Variants in TNRC6A observed in about 807,000 individuals in gnomAD.
TNRC6A encodes trinucleotide repeat containing adaptor 6A.
In TNRC6A, 44 loss-of-function variants were observed where a neutral mutation model predicts 221.2. The observed-to-expected ratio is 0.20, with a 90% confidence interval of 0.16 to 0.26. TNRC6A has a LOEUF of 0.26. Among genes scored for constraint, TNRC6A ranks in the 10% least tolerant of loss-of-function variants. The pLI, the probability that TNRC6A is intolerant of heterozygous loss-of-function variation, is 1.00. For synonymous variants in TNRC6A, 847 were observed against 838.5 expected, an observed-to-expected ratio of 1.01 and a Z score of -0.18; for missense variants, 2,199 against 2,404.4, an observed-to-expected ratio of 0.91 and a Z score of 1.79.
In TNRC6A at chr16:24,791,048, G is replaced by C. The variant is rs113829020; in HGVS notation, c.2406G>C (p.Gly802=). The change falls in exon 6 of 25, where the codon GGG becomes GGC. Residue 802 remains glycine, a synonymous_variant. Transcript: ENST00000395799. ...ATTCCAAAGGCTCAAACTGCCAGGG[G>C]GGGTGGGAAGATGATTCTGCTGCTA... ...WGDSKGSNCQ[G]GWEDDSAATG... is the part of the protein sequence containing the mutation. 3.3e-4 allele frequency: 523 copies of C among 1,596,370 alleles called. 1 individual carries two copies. In the African/African-American group the frequency reaches 5.6e-3, roughly 17 times the overall value.
At chr16:24,677,701 T>A (rs2055447471) in intron 2 of TNRC6A, among the ~76,000 whole-genome samples, 1 of 152,188 alleles carries the variant, frequency 6.6e-6, no homozygotes, top group Non-Finnish European at 1.5e-5. Context: ...GTAAACTCCA[T>A]GAGGGTTTGA....
intron 2 of TNRC6A, among the ~76,000 whole-genome samples, chr16:24,747,975 A>G (rs1217476771): frequency 6.6e-6 from 1 of 152,228 alleles, no homozygotes; most frequent in Non-Finnish European, 1.5e-5. Flanking sequence ...TCACAGCAGA[A>G]CATGAAGAAC....
chr16:24,697,843 C>T (rs2055892249), intron 2 of TNRC6A, among the ~76,000 whole-genome samples: 1 of 151,866 alleles, frequency 6.6e-6, no homozygotes, highest in African/African-American at 2.4e-5. Context: ...AGATCGAGAC[C>T]ATCCTGACCA....
intron 1 of TNRC6A, among the ~76,000 whole-genome samples, chr16:24,628,294 C>T (rs947376116): frequency 2.0e-5 from 3 of 151,924 alleles, no homozygotes; most frequent in Non-Finnish European, 2.9e-5. Flanking sequence ...GTGGTGGGCG[C>T]CTGTAATCCC....
intron 3 of TNRC6A, among the ~76,000 whole-genome samples, chr16:24,756,860 A>G (rs2057262821): frequency 6.6e-6 from 1 of 152,104 alleles, no homozygotes; most frequent in South Asian, 2.1e-4. Context: ...TAAATTGTGA[A>G]AGAGACCAGG....
At chr16:24,632,076 C>T (rs1901375648) in intron 1 of TNRC6A, among the ~76,000 whole-genome samples, 1 of 152,044 alleles carries the variant, frequency 6.6e-6, no homozygotes, top group South Asian at 2.1e-4. Flanking sequence ...GTCTCGAACT[C>T]CTGGGCTTAA....
At chr16:24,664,799 AC>A (rs2055119394) in intron 2 of TNRC6A, 2 of 431,800 alleles carry the variant, frequency 4.6e-6, no homozygotes, top group African/African-American at 4.3e-5. Flanking sequence ...ACACACACAC[AC>A]ACACACACAC....
At chr16:24,700,395 C>T (rs890255787) in intron 2 of TNRC6A, among the ~76,000 whole-genome samples, 1 of 151,940 alleles carries the variant, frequency 6.6e-6, no homozygotes, top group Admixed American at 6.6e-5. Flanking sequence ...GCCACCATGC[C>T]CGGCTAATTT....
chr16:24,796,762 A>G (rs774690628), intron 9 of TNRC6A, among the ~76,000 whole-genome samples: 73 of 152,176 alleles, frequency 4.8e-4, no homozygotes, highest in Non-Finnish European at 5.9e-4. Context: ...AATGAAGGCA[A>G]CAGACTGAGA....
At chr16:24,792,613 C>CTTTTGT (rs2058129437) in intron 6 of TNRC6A, among the ~76,000 whole-genome samples, 2 of 56,520 alleles carry the variant, frequency 3.5e-5, no homozygotes, top group Non-Finnish European at 5.8e-5. Flanking sequence ...ACATTTATGG[C>CTTTTGT]TTTTTTTTTT....
chr16:24,610,869 G>C (rs1478749859), intron 1 of TNRC6A, among the ~76,000 whole-genome samples: 3 of 152,022 alleles, frequency 2.0e-5, no homozygotes, highest in African/African-American at 7.2e-5. Context: ...GGAGTGCAGT[G>C]GCGCAATCTC....
At chr16:24,719,037 CAA>C (rs1197000057) in intron 2 of TNRC6A, among the ~76,000 whole-genome samples, 14 of 86,014 alleles carry the variant, frequency 1.6e-4, no homozygotes, top group Admixed American at 2.4e-4. Context: ...ACTCTGTCTC[CAA>C]AAAAAAAAAA....
At chr16:24,762,459 TAATG>T (rs200109187) in intron 4 of TNRC6A, among the ~76,000 whole-genome samples, 2,069 of 152,342 alleles carry the variant, frequency 0.014, 19 homozygotes, top group Middle Eastern at 0.031. Context: ...TAACCACTAA[TAATG>T]AATGGGTATC....
intron 2 of TNRC6A, among the ~76,000 whole-genome samples, chr16:24,704,149 C>T (rs956439563): frequency 6.6e-6 from 1 of 151,182 alleles, no homozygotes; most frequent in African/African-American, 2.4e-5. Context: ...GGCTAGAGTG[C>T]AGTGGCACGA....
chr16:24,764,540 C>T (rs2057431836), intron 4 of TNRC6A, among the ~76,000 whole-genome samples: 1 of 151,980 alleles, frequency 6.6e-6, no homozygotes, highest in South Asian at 2.1e-4. Flanking sequence ...CCAGGCTGGT[C>T]TCAAACTCCT....
At chr16:24,771,826 C>A (rs994104553) in intron 4 of TNRC6A, among the ~76,000 whole-genome samples, 1 of 152,102 alleles carries the variant, frequency 6.6e-6, no homozygotes, top group African/African-American at 2.4e-5. Context: ...CCTTCTATTC[C>A]TCTGTGAGCC....
intron 2 of TNRC6A, among the ~76,000 whole-genome samples, chr16:24,702,860 A>C (rs7184158): frequency 0.5 from 75,971 of 151,456 alleles, 20,623 homozygotes; most frequent in East Asian, 0.86. Flanking sequence ...ATGGTGAAAC[A>C]CCGTCCCTAC....
At chr16:24,776,141 C>T (rs1400897847) in intron 4 of TNRC6A, among the ~76,000 whole-genome samples, 5 of 152,164 alleles carry the variant, frequency 3.3e-5, no homozygotes, top group Non-Finnish European at 5.9e-5. Context: ...AAAGCTCATA[C>T]ACCATGCATC....
chr16:24,697,100 G>A (rs1320792991), intron 2 of TNRC6A, among the ~76,000 whole-genome samples: 1 of 152,142 alleles, frequency 6.6e-6, no homozygotes, highest in Non-Finnish European at 1.5e-5. Context: ...ACAACACTGA[G>A]GCCTGAAAGT....
Sources: gnomAD v4.1 joint callset for allele counts (sites outside exome capture counted in the v4.1 genomes callset) on GRCh38, gnomAD v4.1.1 for gene constraint, MANE v1.5 for transcripts, NCBI Gene and HGNC (gene_info 2026-07-23, HGNC 2026-07-21) for gene names.